The following CEP164 variants were observed in gnomAD, a reference collection of about 807,000 sequenced individuals.
CEP164 encodes centrosomal protein 164.
In CEP164, 162 loss-of-function variants were observed where a neutral mutation model predicts 182.7. That is an observed-to-expected ratio of 0.89 (90% CI 0.78 to 1.01). CEP164 has a LOEUF of 1.01. Among genes scored for constraint, CEP164 ranks in the 50% least tolerant of loss-of-function variants. The pLI is 0.00. For synonymous variants in CEP164, 661 were observed against 690.0 expected (o/e 0.96, Z 0.66); for missense variants, 1,735 against 1,790.4 (o/e 0.97, Z 0.56).
intron 27 of CEP164, among the ~76,000 whole-genome samples, chr11:117,403,913 C>G (rs1265064437): frequency 6.6e-6 from 1 of 151,846 alleles, no homozygotes; most frequent in Non-Finnish European, 1.5e-5. Context: ...AATCTTCAAT[C>G]TCTGATATCC....
chr11:117,346,878 A>C lies in CEP164; in HGVS notation c.194+2601A>C, dbSNP rs1242846273. Among the ~76,000 whole-genome samples the C allele has an allele frequency of 2.6e-5, 4 of 152,104 alleles. No homozygotes were observed. In the East Asian group the frequency reaches 7.7e-4, roughly 29 times the overall value. Reference sequence around the variant, plus strand: ...ACCTGTCTCAAAAACAAATAAAATGAGTCATTAAAATGTAGGTATATATAT... The same window carrying C: ...ACCTGTCTCAAAAACAAATAAAATGCGTCATTAAAATGTAGGTATATATAT... On this transcript the variant is annotated intron_variant, in intron 4 of 32. Coordinates refer to ENST00000278935, the MANE Select transcript of CEP164 (RefSeq NM_014956.5).
At position 117,408,963 on chromosome 11, in the gene CEP164, G is replaced by A; in HGVS notation, c.3683G>A (p.Ser1228Asn). The change falls in exon 29 of 33, where the codon AGC becomes AAC. Residue 1228 changes from serine (S) to asparagine (N), a missense_variant. Physicochemically the swap from Ser to Asn is conservative, Grantham distance 46. Coordinates refer to ENST00000278935, the MANE Select transcript of CEP164 (RefSeq NM_014956.5). ...AVTFDLSDMDSLSSESSESFS... is the reference protein window; with the variant it reads ...AVTFDLSDMDNLSSESSESFS... Reference sequence around the variant, plus strand: ...ACCTTCGACCTCAGTGACATGGACAGCCTGAGCAGTGAAAGTTCTGAATCT... The same window carrying A: ...ACCTTCGACCTCAGTGACATGGACAACCTGAGCAGTGAAAGTTCTGAATCT... The A allele has an allele frequency of 6.2e-7, 1 of 1,614,150 alleles. No individual in the cohort carries two copies. The highest frequency in any genetic ancestry group is 8.5e-7 in the Non-Finnish European group (1 of 1,180,006).
chr11:117,362,071 G>A (rs2041053016), intron 6 of CEP164, 78 bp downstream of exon 6: 2 of 1,357,260 alleles, frequency 1.5e-6, no homozygotes, highest in Non-Finnish European at 2.0e-6. Context: ...CTATGGCCTA[G>A]GGGTGAGAAA....
chr11:117,345,139 A>G (rs1480922367), intron 4 of CEP164, among the ~76,000 whole-genome samples: 1 of 152,106 alleles, frequency 6.6e-6, no homozygotes, highest in Admixed American at 6.6e-5. Context: ...GATATTTTCA[A>G]TTTTGGCTAG....
chr11:117,332,229 C>T (rs1308929547), intron 1 of CEP164, among the ~76,000 whole-genome samples: 1 of 151,894 alleles, frequency 6.6e-6, no homozygotes, highest in Non-Finnish European at 1.5e-5. Context: ...GAGACATGGC[C>T]CTCAGAAGTT....
chr11:117,368,366 G>A (rs2041869028), intron 8 of CEP164, among the ~76,000 whole-genome samples: 1 of 152,174 alleles, frequency 6.6e-6, no homozygotes, highest in African/African-American at 2.4e-5. Flanking sequence ...GGTGTCTGAG[G>A]GTTTGCCTGG....
chr11:117,388,647 A>C (rs1340253638), intron 15 of CEP164, among the ~76,000 whole-genome samples: 2 of 151,958 alleles, frequency 1.3e-5, no homozygotes, highest in Non-Finnish European at 2.9e-5. Flanking sequence ...TGGACTTAAA[A>C]CTTCTAAAGT....
chr11:117,403,735 A>T (rs2046389872), intron 27 of CEP164, among the ~76,000 whole-genome samples: 1 of 152,112 alleles, frequency 6.6e-6, no homozygotes, highest in Non-Finnish European at 1.5e-5. Context: ...CCCAGATAAT[A>T]TCCTGAAGAG....
chr11:117,323,257 C>G (rs1007934571), upstream of CEP164, among the ~76,000 whole-genome samples: 1 of 151,984 alleles, frequency 6.6e-6, no homozygotes, highest in Non-Finnish European at 1.5e-5. Context: ...ATCTTCTGCT[C>G]TCTTTTCCTC....
At position 117,380,605 on chromosome 11, in the gene CEP164, C is replaced by T; in HGVS notation, c.1318-9C>T. 6.3e-7 allele frequency: 1 copy of T among 1,587,772 alleles called. No homozygotes were observed. Among genetic ancestry groups the T allele is most frequent in the East Asian group, 2.3e-5 (1 of 43,884 alleles). ...CCAACACAAACTTTTTATTGCTTCT[C>T]TCCTACAGGCCCAGCAACCACTGGG... On this transcript the variant is annotated splice_polypyrimidine_tract_variant and intron_variant, in intron 11 of 32. Transcript: ENST00000278935.
At chr11:117,334,451 C>G (rs891182662) in intron 1 of CEP164, among the ~76,000 whole-genome samples, 2 of 152,150 alleles carry the variant, frequency 1.3e-5, no homozygotes, top group Admixed American at 6.5e-5. Flanking sequence ...TTTGGATGAT[C>G]CATGAATTCA....
At chr11:117,331,940 C>T (rs1002360675) in intron 1 of CEP164, among the ~76,000 whole-genome samples, 8 of 150,462 alleles carry the variant, frequency 5.3e-5, no homozygotes, top group South Asian at 2.1e-4. Flanking sequence ...CTCAGCCTTC[C>T]GAGTAGCTGG....
At chr11:117,369,896 G>A (rs767773144) in intron 8 of CEP164, among the ~76,000 whole-genome samples, 2 of 152,208 alleles carry the variant, frequency 1.3e-5, no homozygotes, top group African/African-American at 4.8e-5. Flanking sequence ...CTGTAGAGAC[G>A]CACTGCTCAG....
At chr11:117,325,078 T>C (rs575844202), upstream of CEP164, among the ~76,000 whole-genome samples, 62 of 152,028 alleles carry the variant, frequency 4.1e-4, no homozygotes, top group African/African-American at 1.4e-3. Flanking sequence ...GAGACCTTTA[T>C]TTATTTATTT....
In CEP164 at chr11:117,387,160, G is replaced by T. The variant is rs2305829; in HGVS notation, c.1725-43G>T. On this transcript the variant is annotated intron_variant, in intron 14 of 32. Transcript: ENST00000278935. ...TCTAACCTGGATGCAGAGGTGGGTG[G>T]ACATTAACCCTGTGATGATATGCCA... 0.17 allele frequency: 255,919 copies of T among 1,540,120 alleles called. 23,217 individuals are homozygous for T. The highest frequency in any genetic ancestry group is 0.36 in the East Asian group (16,039 of 44,406).
At chr11:117,408,297 A>G (rs892708957) in intron 28 of CEP164, among the ~76,000 whole-genome samples, 1 of 152,228 alleles carries the variant, frequency 6.6e-6, no homozygotes, top group Non-Finnish European at 1.5e-5. Context: ...AAGAGGGCCA[A>G]GCCTTTACCC....
chr11:117,402,619 T>C (rs1032214303), intron 27 of CEP164, among the ~76,000 whole-genome samples: 1 of 152,208 alleles, frequency 6.6e-6, no homozygotes, highest in African/African-American at 2.4e-5. Context: ...GAAGAGTGTT[T>C]TACTTCCAAT....
intron 27 of CEP164, among the ~76,000 whole-genome samples, chr11:117,398,194 A>G (rs1420593203): frequency 6.6e-6 from 1 of 152,222 alleles, no homozygotes; most frequent in Non-Finnish European, 1.5e-5. Context: ...AAGCTCCAAA[A>G]TGATCTCCTT....
At position 117,403,559 on chromosome 11, in the gene CEP164, C is replaced by T. The variant is rs979683872; in HGVS notation, c.3502-4366C>T. On this transcript the variant is annotated intron_variant, in intron 27 of 32. Coordinates refer to ENST00000278935, the MANE Select transcript of CEP164 (RefSeq NM_014956.5). ...GATGGGCTTCCCTTTGTGGGTAACC[C>T]GACCTTTCTCTCTGGCTGCCCTTAA... 3.9e-5 allele frequency among the ~76,000 whole-genome samples: 6 copies of T among 152,268 alleles called. No individual in the cohort carries two copies. The South Asian group carries it at 6.2e-4, about 16-fold the overall frequency.
Sources: gnomAD v4.1 joint callset for allele counts (sites outside exome capture counted in the v4.1 genomes callset) on GRCh38, gnomAD v4.1.1 for gene constraint, MANE v1.5 for transcripts, NCBI Gene and HGNC (gene_info 2026-07-23, HGNC 2026-07-21) for gene names.